DDX60L: variants seen among roughly 807,000 people sequenced by gnomAD.
DDX60L encodes the protein probable ATP-dependent RNA helicase DDX60-like.
Under a neutral mutation model 211.6 loss-of-function variants are expected in DDX60L, and 191 were observed. The observed-to-expected ratio is 0.90, with a 90% CI of 0.80 to 1.02. The LOEUF (loss-of-function observed/expected upper bound fraction) is 1.02, where lower values mean the gene tolerates loss of function less well. Among genes scored for constraint, DDX60L ranks in the 50% least tolerant of loss-of-function variants. The pLI is 0.00. For synonymous variants in DDX60L, 706 were observed against 694.1 expected (o/e 1.02, Z -0.27); for missense variants, 2,007 against 1,984.1 (o/e 1.01, Z -0.22).
In DDX60L at chr4:168,386,985, A is replaced by T. The variant is rs72974889; in HGVS notation, c.3916-2173T>A. Among the ~76,000 whole-genome samples the T allele has an allele frequency of 8.0e-3, 1,226 of 152,348 alleles. 22 individuals carry two copies. Among genetic ancestry groups the T allele is most frequent in the African/African-American group, 0.029 (1,189 of 41,578 alleles). Reference sequence around the variant, plus strand: ...ATTTGACCCTAGAGTAGAATTAGCCATCAAATATTCCCTTGCCAGAAAATG... The same window carrying T: ...ATTTGACCCTAGAGTAGAATTAGCCTTCAAATATTCCCTTGCCAGAAAATG... On this transcript the variant is annotated intron_variant, in intron 29 of 37. Transcript: ENST00000682922.
intron 26 of DDX60L, among the ~76,000 whole-genome samples, chr4:168,396,612 T>C (rs1463867222): frequency 6.6e-6 from 1 of 151,802 alleles, no homozygotes; most frequent in Non-Finnish European, 1.5e-5. Flanking sequence ...AAAAATTGAT[T>C]ATACCATTAA....
chr4:168,437,243 G>A (rs970095036), intron 10 of DDX60L, among the ~76,000 whole-genome samples: 4 of 152,144 alleles, frequency 2.6e-5, no homozygotes, highest in Non-Finnish European at 4.4e-5. Flanking sequence ...TTAAGATAAG[G>A]TTATTCTGGA....
chr4:168,435,286 G>A (rs1752883730), intron 10 of DDX60L, among the ~76,000 whole-genome samples: 1 of 152,154 alleles, frequency 6.6e-6, no homozygotes, highest in Non-Finnish European at 1.5e-5. Context: ...TGTGGAACGA[G>A]GGCTTATGGA....
rs753015881 is a variant in DDX60L at position 168,461,921 on chromosome 4, T to C, written c.384A>G (p.Ser128=). The change falls in exon 5 of 38, where the codon TCA becomes TCG. Residue 128 remains serine (S), a synonymous_variant. Coordinates refer to ENST00000682922, the MANE Select transcript of DDX60L (RefSeq NM_001012967.3). Reference sequence around the variant, plus strand: ...GTTCCAAGAATAACTTCCAATCTTGTGATAAGCATCCAGAAAACTCCGTTT... The same window carrying C: ...GTTCCAAGAATAACTTCCAATCTTGCGATAAGCATCCAGAAAACTCCGTTT... The part of the protein sequence containing the change: ...DVQTEFSGCL[S]QDWKLFLEQH... The C allele has an allele frequency of 6.2e-7, 1 of 1,612,500 alleles. No individual in the cohort carries two copies. The highest frequency in any genetic ancestry group is 8.5e-7 in the Non-Finnish European group (1 of 1,179,164).
intron 1 of DDX60L, chr4:168,476,240 G>A (rs931616624): frequency 4.6e-5 from 7 of 152,022 alleles, no homozygotes; most frequent in Admixed American, 1.3e-4. Context: ...GTGTAACTCT[G>A]ATTAAGTAAA....
chr4:168,410,342 G>A (rs1026248076), intron 22 of DDX60L, among the ~76,000 whole-genome samples: 1 of 152,142 alleles, frequency 6.6e-6, no homozygotes, highest in African/African-American at 2.4e-5. Flanking sequence ...TTGGCATCTG[G>A]AATGAAGCAT....
chr4:168,420,894 C>T (rs1750496050), intron 17 of DDX60L, among the ~76,000 whole-genome samples: 1 of 152,076 alleles, frequency 6.6e-6, no homozygotes, highest in Admixed American at 6.6e-5. Context: ...GCAAAGAGCC[C>T]ATGTGGCCTT....
Position 168,458,184 on chromosome 4 carries a change from G to A in DDX60L, c.607-176C>T, listed in dbSNP as rs568014825. The stretch of plus-strand genomic sequence containing the variant: ...TGCTGGCGAGTTTGTAGAGAAATAC[G>A]AATGCTTATACACTGTTGGTGGGGA... On this transcript the variant is annotated intron_variant, in intron 5 of 37. Transcript: ENST00000682922. Among the ~76,000 whole-genome samples the A allele has an allele frequency of 1.1e-4, 16 of 152,236 alleles. No homozygotes were observed. In the South Asian group the frequency reaches 1.5e-3, roughly 14 times the overall value.
chr4:168,432,633 AG>A (rs2149950090), intron 11 of DDX60L, 63 bp from the exon 12 acceptor site: 2 of 944,118 alleles, frequency 2.1e-6, no homozygotes, highest in Non-Finnish European at 3.1e-6. Flanking sequence ...CACAAACTTC[AG>A]GCTGTGATAA....
At position 168,358,045 on chromosome 4, in the gene DDX60L, C is replaced by G; in HGVS notation, c.*102G>C. ...TATCTGAGTTTAATTCTGTTTGACTCCAAGACAAACATTTTTTCCATTTCA... is the reference window on the plus strand; with the variant it reads ...TATCTGAGTTTAATTCTGTTTGACTGCAAGACAAACATTTTTTCCATTTCA... On this transcript the variant is annotated 3_prime_UTR_variant, in exon 38 of 38. Transcript: ENST00000682922. 1 of 1,092,302 alleles carries G rather than the reference C, an allele frequency of 9.2e-7. No individual in the cohort carries two copies. The highest frequency in any genetic ancestry group is 2.6e-5 in the East Asian group (1 of 39,182). 67.7% of individuals were successfully genotyped at this position (1,092,302 alleles called of 1,614,324 possible). A position where few individuals can be genotyped will look rare whatever the true frequency, so the allele number is the denominator to read the frequency against.
chr4:168,373,854 A>G lies in DDX60L; in HGVS notation c.4634-46T>C, dbSNP rs774675676. The G allele has an allele frequency of 5.0e-6, 8 of 1,591,642 alleles. No homozygotes were observed. The Admixed American group carries it at 1.2e-4, about 24-fold the overall frequency. ...CACGTTAGGTTTTAAAAATCAGCCC[A>G]AATGTTAACCCTTTCAAACTCACTG... On this transcript the variant is annotated intron_variant, in intron 34 of 37. Coordinates refer to ENST00000682922, the MANE Select transcript of DDX60L (RefSeq NM_001012967.3).
At chr4:168,407,844 T>C (rs940728239) in intron 22 of DDX60L, among the ~76,000 whole-genome samples, 2 of 152,228 alleles carry the variant, frequency 1.3e-5, no homozygotes, top group African/African-American at 4.8e-5. Flanking sequence ...TTGTCTATAA[T>C]ATGAGAATGA....
rs749547415 is a variant in DDX60L, at chr4:168,419,317, A to C, written c.2595T>G (p.Tyr865Ter). ...CCAAACCTACCTCATCAAATATAAC[A>C]TATCTGATCCTTTCCACCCATTTTT... The part of the protein sequence containing the change: ...HRQKWVERIR[Y>*]VIFDEVHYLG... The change falls in exon 19 of 38, where the codon TAT becomes TAG. Residue 865 changes from tyrosine to a stop codon, truncating the protein, a stop_gained. Transcript: ENST00000682922. LOFTEE classifies it high-confidence loss of function. 4 of 1,596,040 alleles carry C rather than the reference A, an allele frequency of 2.5e-6. No homozygotes were observed. Among genetic ancestry groups the C allele is most frequent in the Non-Finnish European group, 3.4e-6 (4 of 1,169,848 alleles).
chr4:168,423,638 A>G lies in DDX60L; in HGVS notation c.2067T>C (p.Asn689=), dbSNP rs1751005334. The change falls in exon 15 of 38, where the codon AAT becomes AAC. Residue 689 remains asparagine (N), a synonymous_variant. Coordinates refer to ENST00000682922, the MANE Select transcript of DDX60L (RefSeq NM_001012967.3). ...TTGGATCCAAAGAGTTTGCCAGATC[A>G]TTAAAGCCTAAATATTTAAGGCATT... ...IAKCLKYLGF[N]DLANSLDPTL... The G allele has an allele frequency of 6.3e-7, 1 of 1,588,276 alleles. No homozygotes were observed. Among genetic ancestry groups the G allele is most frequent in the Non-Finnish European group, 8.6e-7 (1 of 1,168,440 alleles).
intron 13 of DDX60L, among the ~76,000 whole-genome samples, chr4:168,428,614 T>C (rs796090503): frequency 7.9e-5 from 12 of 152,294 alleles, no homozygotes; most frequent in African/African-American, 2.9e-4. Flanking sequence ...ATAGTTTGGT[T>C]TGTGCTCTTT....
rs535123759 is a variant in DDX60L at position 168,422,409 on chromosome 4, G to A, written c.2244+115C>T. On this transcript the variant is annotated intron_variant, in intron 16 of 37. Transcript: ENST00000682922. ...AGTTACATTCTCCAGGCACAGTAGAGGAAAGACATTAAACAAGATTAAGAA... is the reference window on the plus strand; with the variant it reads ...AGTTACATTCTCCAGGCACAGTAGAAGAAAGACATTAAACAAGATTAAGAA... 3.1e-6 allele frequency: 3 copies of A among 977,842 alleles called. No homozygotes were observed. In the South Asian group the frequency reaches 6.0e-5, roughly 19 times the overall value. The allele number at this position is 977,842 out of a possible 1,614,324, so 60.6% of individuals were successfully genotyped here. A position where few individuals can be genotyped will look rare whatever the true frequency, so the allele number is the denominator to read the frequency against.
rs753976370 is a variant in DDX60L at position 168,456,156 on chromosome 4, T to A, written c.724-4A>T. On this transcript the variant is annotated splice_polypyrimidine_tract_variant and splice_region_variant and intron_variant, in intron 6 of 37. Transcript: ENST00000682922. ...GCAGAAATAGAGTCTGATACGCCTA[T>A]CAAAAAAGAAATTTCTTCAAATGTC... The A allele has an allele frequency of 8.4e-5, 128 of 1,517,510 alleles. No homozygotes were observed. The East Asian group carries it at 3.1e-3, about 37-fold the overall frequency. 94.0% of individuals were successfully genotyped at this position (1,517,510 alleles called of 1,614,324 possible). A position where few individuals can be genotyped will look rare whatever the true frequency, so the allele number is the denominator to read the frequency against.
intron 22 of DDX60L, among the ~76,000 whole-genome samples, chr4:168,407,028 G>C (rs144275288): frequency 1.2e-3 from 178 of 152,240 alleles, no homozygotes; most frequent in African/African-American, 4.0e-3. Context: ...GTACTGGGTG[G>C]CTGGAAAATA....
chr4:168,434,639 C>T (rs929018348), intron 10 of DDX60L, among the ~76,000 whole-genome samples: 4 of 152,090 alleles, frequency 2.6e-5, no homozygotes, highest in Non-Finnish European at 4.4e-5. Context: ...CCATAATGGA[C>T]GGCAAAGTCA....
Sources: allele counts gnomAD v4.1 joint callset (sites outside exome capture counted in the v4.1 genomes callset), GRCh38; gene constraint gnomAD v4.1.1; transcripts MANE v1.5; gene names NCBI Gene and HGNC (gene_info 2026-07-23, HGNC 2026-07-21).